CCDC102B: variants seen among roughly 807,000 people sequenced by gnomAD.
CCDC102B encodes the protein coiled-coil domain containing 102B, also known as coiled-coil domain-containing protein 102B.
A neutral mutation model predicts 57.4 loss-of-function variants in CCDC102B; 75 were observed. The observed-to-expected ratio is 1.31, with a 90% confidence interval of 1.08 to 1.58. CCDC102B has a LOEUF of 1.58. Ranked by LOEUF, CCDC102B falls within the 40% of genes most tolerant of loss-of-function variation. The probability of loss-of-function intolerance (pLI) is 0.00; values close to 1 mark genes in which losing one functional copy is unlikely to be tolerated. For missense variants in CCDC102B, 636 were observed against 582.6 expected (o/e 1.09, Z -0.94); for synonymous variants, 206 against 201.9 (o/e 1.02, Z -0.17).
At chr18:68,920,486 T>C (rs12969360) in intron 6 of CCDC102B, among the ~76,000 whole-genome samples, 38,960 of 152,076 alleles carry the variant, frequency 0.26, 6,570 homozygotes, top group Non-Finnish European at 0.36. Flanking sequence ...AAGATATACC[T>C]GAGACTGGGA....
intron 6 of CCDC102B, among the ~76,000 whole-genome samples, chr18:68,983,164 T>G (rs1482276582): frequency 6.6e-6 from 1 of 152,052 alleles, no homozygotes; most frequent in South Asian, 2.1e-4. Flanking sequence ...AAAAGGTTTT[T>G]TTTTTTAGTA....
At chr18:68,759,292 T>C (rs2034171608) in intron 2 of CCDC102B, among the ~76,000 whole-genome samples, 1 of 152,084 alleles carries the variant, frequency 6.6e-6, no homozygotes, top group Non-Finnish European at 1.5e-5. Context: ...AGAAAATGTT[T>C]AACACAATAA....
At chr18:68,927,009 C>T (rs932261812) in intron 6 of CCDC102B, among the ~76,000 whole-genome samples, 1 of 151,848 alleles carries the variant, frequency 6.6e-6, no homozygotes, top group African/African-American at 2.4e-5. Context: ...TTATACAAAG[C>T]CTATACGATA....
At chr18:68,975,951 C>A (rs529994348) in intron 6 of CCDC102B, among the ~76,000 whole-genome samples, 1 of 151,394 alleles carries the variant, frequency 6.6e-6, no homozygotes, top group Non-Finnish European at 1.5e-5. Context: ...TTTATTAGTA[C>A]GGACAGCAAT....
intron 2 of CCDC102B, among the ~76,000 whole-genome samples, chr18:68,719,857 G>A (rs1445789561): frequency 6.6e-6 from 1 of 152,138 alleles, no homozygotes; most frequent in Admixed American, 6.5e-5. Flanking sequence ...CCAAACCAGA[G>A]GAGTCATGTG....
At chr18:68,787,122 G>T (rs1385606753) in intron 2 of CCDC102B, among the ~76,000 whole-genome samples, 1 of 151,126 alleles carries the variant, frequency 6.6e-6, no homozygotes, top group Non-Finnish European at 1.5e-5. Flanking sequence ...TTATATGCTG[G>T]ATTACATTTA....
At chr18:68,723,591 C>A (rs1048360695) in intron 2 of CCDC102B, among the ~76,000 whole-genome samples, 2 of 152,206 alleles carry the variant, frequency 1.3e-5, no homozygotes, top group East Asian at 1.9e-4. Context: ...AGTCCGAAAT[C>A]CAACAGGGCA....
At chr18:68,942,960 T>G (rs2049425805) in intron 6 of CCDC102B, among the ~76,000 whole-genome samples, 1 of 124,078 alleles carries the variant, frequency 8.1e-6, no homozygotes, top group Non-Finnish European at 1.8e-5. Context: ...TTTGTGTTCC[T>G]GGGTACTTGA....
At chr18:68,874,569 A>T in intron 4 of CCDC102B, 100 bp from the exon 5 acceptor site, 2 of 686,092 alleles carry the variant, frequency 2.9e-6, no homozygotes, top group Non-Finnish European at 5.1e-6. Flanking sequence ...CATAGGAAAA[A>T]GGCAAAACAA....
At chr18:68,752,893 A>T (rs1289208681) in intron 2 of CCDC102B, among the ~76,000 whole-genome samples, 1 of 152,268 alleles carries the variant, frequency 6.6e-6, no homozygotes, top group East Asian at 1.9e-4. Context: ...TACATCAGTG[A>T]ATTCAAGTCT....
chr18:69,041,317 T>G (rs2145473804), intron 7 of CCDC102B, among the ~76,000 whole-genome samples: 1 of 152,206 alleles, frequency 6.6e-6, no homozygotes, highest in South Asian at 2.1e-4. Flanking sequence ...TGTGGTTGTT[T>G]ATAAATTTTA....
intron 1 of CCDC102B, among the ~76,000 whole-genome samples, chr18:68,804,482 G>A (rs2035963268): frequency 6.6e-6 from 1 of 152,150 alleles, no homozygotes; most frequent in African/African-American, 2.4e-5. Context: ...TTCACCCAGA[G>A]CAATTACCCC....
At chr18:68,904,627 C>A (rs1270067699) in intron 6 of CCDC102B, among the ~76,000 whole-genome samples, 1 of 152,022 alleles carries the variant, frequency 6.6e-6, no homozygotes, top group Non-Finnish European at 1.5e-5. Flanking sequence ...CAATAAATTG[C>A]AAAAGTAGTA....
intron 6 of CCDC102B, among the ~76,000 whole-genome samples, chr18:68,943,239 G>A (rs2049437758): frequency 6.6e-6 from 1 of 152,072 alleles, no homozygotes. Context: ...CCACAAAAGA[G>A]AGAGATTACT....
intron 7 of CCDC102B, among the ~76,000 whole-genome samples, chr18:69,041,120 G>A (rs2052423615): frequency 6.6e-6 from 1 of 152,064 alleles, no homozygotes; most frequent in East Asian, 1.9e-4. Context: ...AAAAAAATGA[G>A]TTTAATACAT....
chr18:68,965,067 G>A (rs1204379585), intron 6 of CCDC102B, among the ~76,000 whole-genome samples: 1 of 151,874 alleles, frequency 6.6e-6, no homozygotes, highest in Non-Finnish European at 1.5e-5. Flanking sequence ...GGCATGAATT[G>A]CTTTGAGTTT....
chr18:68,917,064 C>G (rs1410956254), intron 6 of CCDC102B, among the ~76,000 whole-genome samples: 2 of 152,168 alleles, frequency 1.3e-5, no homozygotes, highest in Non-Finnish European at 2.9e-5. Flanking sequence ...AATCAGAGCT[C>G]CAGGTGGAGA....
Position 69,022,601 on chromosome 18 carries a change from A to G in CCDC102B, c.1434+11497A>G, listed in dbSNP as rs544760389. Among the ~76,000 whole-genome samples the G allele has an allele frequency of 3.3e-5, 5 of 152,068 alleles. No homozygotes were observed. The South Asian group carries it at 1.0e-3, about 32-fold the overall frequency. On this transcript the variant is annotated intron_variant, in intron 7 of 7. Transcript: ENST00000360242. ...ACCAGAGTTGAATTAATCTTGGCACAGTGTCAAGTTATTTCTTGGCACATT... is the reference window on the plus strand; with the variant it reads ...ACCAGAGTTGAATTAATCTTGGCACGGTGTCAAGTTATTTCTTGGCACATT...
At chr18:69,056,488 C>A (rs899401988), downstream of CCDC102B, among the ~76,000 whole-genome samples, 1 of 151,954 alleles carries the variant, frequency 6.6e-6, no homozygotes, top group Non-Finnish European at 1.5e-5. Flanking sequence ...TGAATTTGAG[C>A]TTTACCCTGT....
Sources: allele counts gnomAD v4.1 joint callset (sites outside exome capture counted in the v4.1 genomes callset), GRCh38; gene constraint gnomAD v4.1.1; transcripts MANE v1.5; gene names NCBI Gene and HGNC (gene_info 2026-07-23, HGNC 2026-07-21).